Variants in SENP7 observed in about 807,000 individuals in gnomAD.
SENP7 encodes SUMO specific peptidase 7.
A neutral mutation model predicts 141.2 loss-of-function variants in SENP7; 64 were observed. The observed-to-expected ratio is 0.45, with a 90% confidence interval of 0.37 to 0.56. The LOEUF (loss-of-function observed/expected upper bound fraction) is 0.56, where lower values mean the gene tolerates loss of function less well. SENP7 is among the 20% of genes least tolerant of loss of function. The probability of loss-of-function intolerance (pLI) is 0.00; values close to 1 mark genes in which losing one functional copy is unlikely to be tolerated. For missense variants in SENP7, 1,025 were observed against 1,212.2 expected (o/e 0.85, Z 2.29); for synonymous variants, 382 against 426.4 (o/e 0.90, Z 1.28).
rs200753653 is a variant in SENP7, at chr3:101,343,873, G to T, written c.1919C>A (p.Thr640Lys). The T allele has an allele frequency of 1.9e-6, 3 of 1,612,776 alleles. No individual in the cohort carries two copies. The highest frequency in any genetic ancestry group is 2.2e-5 in the East Asian group (1 of 44,782). ...TTCTCCACTGATTATACTTATTTCCGTCATAATATCTTTCAGCTTCAATTC... is the reference window on the plus strand; with the variant it reads ...TTCTCCACTGATTATACTTATTTCCTTCATAATATCTTTCAGCTTCAATTC... Reference protein sequence around the residue: ...REELKLKDIMTEISIISGELE... With the variant: ...REELKLKDIMKEISIISGELE... The change falls in exon 14 of 24, where the codon ACG becomes AAG. Residue 640 changes from threonine to lysine, a missense_variant. By Grantham distance (78) the Thr-to-Lys change is moderately conservative. This residue lies in a region of SENP7 where 228 missense variants were observed against 228.5 expected (regional missense o/e 1.00). Transcript: ENST00000394095.
intron 3 of SENP7, among the ~76,000 whole-genome samples, chr3:101,482,195 C>T (rs566395474): frequency 6.6e-6 from 1 of 151,914 alleles, no homozygotes; most frequent in African/African-American, 2.4e-5. Flanking sequence ...CACCTGTAGT[C>T]CCAACTACTC....
At chr3:101,441,656 C>G (rs907294891) in intron 4 of SENP7, among the ~76,000 whole-genome samples, 2 of 152,148 alleles carry the variant, frequency 1.3e-5, no homozygotes, top group African/African-American at 4.8e-5. Flanking sequence ...ACCAAACATG[C>G]TGACCAGGGA....
intron 2 of SENP7, among the ~76,000 whole-genome samples, chr3:101,494,822 A>C (rs551992026): frequency 6.6e-6 from 1 of 152,302 alleles, no homozygotes; most frequent in Admixed American, 6.5e-5. Context: ...TTAAATGTAA[A>C]ACACAAAACT....
intron 4 of SENP7, chr3:101,457,406 G>GT: frequency 6.6e-7 from 1 of 1,518,606 alleles, no homozygotes; most frequent in African/African-American, 1.4e-5. Flanking sequence ...CACCAAGCTG[G>GT]TTTAAGATGT....
chr3:101,474,087 T>C (rs1253258644), intron 3 of SENP7, among the ~76,000 whole-genome samples: 1 of 151,448 alleles, frequency 6.6e-6, no homozygotes, highest in Non-Finnish European at 1.5e-5. Context: ...GTTCCATTGG[T>C]CAGTGTGCCT....
At chr3:101,504,002 G>A (rs942071924) in intron 1 of SENP7, among the ~76,000 whole-genome samples, 7 of 151,640 alleles carry the variant, frequency 4.6e-5, no homozygotes, top group Non-Finnish European at 1.0e-4. Context: ...GTACTGTATG[G>A]TACTTAAAAT....
chr3:101,332,003 T>A lies in SENP7; in HGVS notation c.2680A>T (p.Asn894Tyr). ...SQQSQAQQSQNDNKTIDNDLR... is the reference protein window; with the variant it reads ...SQQSQAQQSQYDNKTIDNDLR... ...ATGTCACCTATTGTTTTGTTGTCAT[T>A]TTGGGACTGCTGAGCCTGGGACTGC... is the stretch of plus-strand genomic sequence containing the variant. The change falls in exon 19 of 24, where the codon AAT becomes TAT. Residue 894 changes from asparagine to tyrosine, a missense_variant. This residue lies in a region of SENP7 where 295 missense variants were observed against 459.1 expected (regional missense o/e 0.64). Coordinates refer to ENST00000394095, the MANE Select transcript of SENP7 (RefSeq NM_020654.5). 1 of 1,613,484 alleles carries A rather than the reference T, an allele frequency of 6.2e-7. No homozygotes were observed. The highest frequency in any genetic ancestry group is 2.2e-5 in the East Asian group (1 of 44,792).
chr3:101,466,016 A>C (rs556993545), intron 3 of SENP7, among the ~76,000 whole-genome samples: 1 of 152,302 alleles, frequency 6.6e-6, no homozygotes, highest in Non-Finnish European at 1.5e-5. Context: ...TCAACAATAG[A>C]CAAAATTAAG....
chr3:101,481,386 CAGAA>C (rs2064472227), intron 3 of SENP7, among the ~76,000 whole-genome samples: 2 of 152,056 alleles, frequency 1.3e-5, no homozygotes, highest in Admixed American at 1.3e-4. Flanking sequence ...AAGCCAGAAA[CAGAA>C]AGAAAAATAT....
At chr3:101,439,514 C>T (rs1199811391) in intron 4 of SENP7, among the ~76,000 whole-genome samples, 2 of 43,910 alleles carry the variant, frequency 4.6e-5, no homozygotes, top group Non-Finnish European at 9.3e-5. Context: ...GTCAGCCCCC[C>T]GCCTGGCCAG....
intron 3 of SENP7, among the ~76,000 whole-genome samples, chr3:101,487,820 T>C (rs2064794492): frequency 6.6e-6 from 1 of 152,186 alleles, no homozygotes; most frequent in Admixed American, 6.5e-5. Flanking sequence ...TTGCTCTATG[T>C]GTCTGTTTTT....
intron 4 of SENP7, among the ~76,000 whole-genome samples, chr3:101,443,861 T>G (rs1423594158): frequency 6.7e-6 from 1 of 150,024 alleles, no homozygotes; most frequent in Non-Finnish European, 1.5e-5. Context: ...CGATGGGGTT[T>G]TCTAGATATA....
At chr3:101,499,535 A>ATTTTTTTTTTTTTTTTTTTTTTTTTTTTT (rs55855998) in intron 2 of SENP7, among the ~76,000 whole-genome samples, 9 of 138,814 alleles carry the variant, frequency 6.5e-5, no homozygotes, top group Middle Eastern at 3.8e-3. Context: ...TGCCCAGCTA[A>ATTTTTTTTTTTTTTTTTTTTTTTTTTTTT]TTTTTTTTTT....
chr3:101,365,634 CAAAAAAAAA>C (rs1010380283), intron 9 of SENP7, among the ~76,000 whole-genome samples: 4 of 62,134 alleles, frequency 6.4e-5, no homozygotes, highest in Non-Finnish European at 1.2e-4. Context: ...GACTCTGTCT[CAAAAAAAAA>C]AAAAAAAAAA....
rs1398318088 is a variant in SENP7, at chr3:101,491,100, C to T, written c.186+2773G>A. Among the ~76,000 whole-genome samples, 7 of 150,066 alleles carry T rather than the reference C, an allele frequency of 4.7e-5. 1 individual carries two copies. In the South Asian group the frequency reaches 1.1e-3, roughly 23 times the overall value. On this transcript the variant is annotated intron_variant, in intron 3 of 23. Coordinates refer to ENST00000394095, the MANE Select transcript of SENP7 (RefSeq NM_020654.5). ...TTGCCTTTAGAGAAAAAGGACAGAA[C>T]GAGATTTTATTTGCTTCATTTTATA... is the stretch of plus-strand genomic sequence containing the variant.
chr3:101,420,585 G>A (rs1485843288), intron 4 of SENP7, among the ~76,000 whole-genome samples: 1 of 152,186 alleles, frequency 6.6e-6, no homozygotes, highest in Non-Finnish European at 1.5e-5. Context: ...TTGCAAAGAA[G>A]AAAAGGTGTC....
intron 4 of SENP7, among the ~76,000 whole-genome samples, chr3:101,429,370 G>C (rs183616188): frequency 6.6e-6 from 1 of 152,136 alleles, no homozygotes; most frequent in Admixed American, 6.5e-5. Context: ...TTATTTCCTG[G>C]AGTAGTGGTT....
intron 6 of SENP7, among the ~76,000 whole-genome samples, chr3:101,392,618 G>A (rs959005069): frequency 7.2e-5 from 11 of 152,214 alleles, no homozygotes; most frequent in African/African-American, 2.6e-4. Flanking sequence ...ACTTCCCAAA[G>A]TAATCTACAA....
intron 3 of SENP7, among the ~76,000 whole-genome samples, chr3:101,479,921 A>AAAAAAAAAACACAC (rs1559888934): frequency 2.8e-5 from 2 of 72,538 alleles, no homozygotes; most frequent in Non-Finnish European, 5.2e-5. Context: ...AAAAAAAAAA[A>AAAAAAAAAACACAC]ACACACACAC....
Sources: allele counts gnomAD v4.1 joint callset (sites outside exome capture counted in the v4.1 genomes callset), GRCh38; gene constraint gnomAD v4.1.1; regional missense constraint gnomAD v4.1.1; transcripts MANE v1.5; gene names NCBI Gene and HGNC (gene_info 2026-07-23, HGNC 2026-07-21).